PGLS: variants seen among roughly 807,000 people sequenced by gnomAD.
PGLS encodes epididymis secretory protein Li 304.
PGLS carries 21 observed loss-of-function variants against 23.2 expected under a neutral mutation model. The ratio of observed to expected loss-of-function variants is 0.91; its 90% CI spans 0.64 to 1.31. The LOEUF (loss-of-function observed/expected upper bound fraction) is 1.31. PGLS is among the 50% of genes most tolerant of loss of function. The pLI, the probability that PGLS is intolerant of heterozygous loss-of-function variation, is 0.00. For synonymous variants in PGLS, 179 were observed against 165.4 expected (o/e 1.08, Z -0.63); for missense variants, 410 against 354.0 (o/e 1.16, Z -1.27).
intron 1 of PGLS, chr19:17,513,071 C>A (rs542557610): frequency 6.6e-6 from 1 of 152,160 alleles, no homozygotes; most frequent in Non-Finnish European, 1.5e-5. Flanking sequence ...CTTCCGCCTT[C>A]CTGTGTGTGT....
chr19:17,518,819 C>A (rs2075544979), intron 4 of PGLS, among the ~76,000 whole-genome samples: 1 of 152,056 alleles, frequency 6.6e-6, no homozygotes, highest in South Asian at 2.1e-4. Flanking sequence ...ATATGAGTCA[C>A]CGTGCCTAGC....
chr19:17,512,971 G>A (rs1484504440), intron 1 of PGLS: 1 of 152,316 alleles, frequency 6.6e-6, no homozygotes, highest in Non-Finnish European at 1.5e-5. Flanking sequence ...CAGAAGAGGT[G>A]AGCTTACCTG....
At chr19:17,519,051 T>C (rs1030130663) in intron 4 of PGLS, among the ~76,000 whole-genome samples, 1 of 151,946 alleles carries the variant, frequency 6.6e-6, no homozygotes, top group Admixed American at 6.6e-5. Flanking sequence ...CGGTGGCTTA[T>C]GCCTGTAATC....
At chr19:17,518,591 T>C (rs1255978855) in intron 4 of PGLS, 1 of 152,158 alleles carries the variant, frequency 6.6e-6, no homozygotes, top group Non-Finnish European at 1.5e-5. Flanking sequence ...AGTGCACTGA[T>C]GTGACCTCAG....
chr19:17,512,189 C>G (rs2075511674), intron 1 of PGLS: 2 of 521,084 alleles, frequency 3.8e-6, no homozygotes, highest in Non-Finnish European at 6.7e-6. Flanking sequence ...CACCGGTTGC[C>G]CTCGGCTACG....
intron 1 of PGLS, 63 bp downstream of exon 1, chr19:17,512,023 G>C (rs2075510253): frequency 2.5e-5 from 36 of 1,453,918 alleles, no homozygotes; most frequent in Non-Finnish European, 3.1e-5. Context: ...CCTACACCCC[G>C]GCTACGGAGG....
In PGLS at chr19:17,517,863, GGTTCTAGTCCTGGGAA is replaced by G. The variant is rs2075540795; in HGVS notation, c.639+18_639+33del. The G allele has an allele frequency of 1.2e-6, 2 of 1,613,812 alleles. No homozygotes were observed. Among genetic ancestry groups the G allele is most frequent in the Non-Finnish European group, 1.7e-6 (2 of 1,179,964 alleles). ...AGCTGTTCTGAAGGTAACAGCTGAG[GGTTCTAGTCCTGGGAA>G]GTTCATGGGCATGTGGGCCCCAGGG... On this transcript the variant is annotated intron_variant, in intron 4 of 4. Coordinates refer to ENST00000252603, the MANE Select transcript of PGLS (RefSeq NM_012088.3).
chr19:17,513,240 C>T (rs1326877471), intron 1 of PGLS: 1 of 149,458 alleles, frequency 6.7e-6, no homozygotes, highest in Non-Finnish European at 1.5e-5. Context: ...AAAAAAAATA[C>T]AAAAATTGGC....
At chr19:17,514,195 T>C (rs1330234636) in intron 1 of PGLS, among the ~76,000 whole-genome samples, 1 of 152,196 alleles carries the variant, frequency 6.6e-6, no homozygotes, top group African/African-American at 2.4e-5. Flanking sequence ...TGAAAGCTCT[T>C]TGGGAGGATC....
intron 4 of PGLS, 110 bp downstream of exon 4, chr19:17,517,960 A>C: frequency 9.5e-7 from 1 of 1,049,858 alleles, no homozygotes; most frequent in Non-Finnish European, 1.3e-6. Flanking sequence ...AAGAAAACTC[A>C]GTCATTCTTG....
chr19:17,517,693 TG>T lies in PGLS; in HGVS notation c.499-14del. The T allele has an allele frequency of 6.2e-7, 1 of 1,613,810 alleles. No individual in the cohort carries two copies. Reference sequence around the variant, plus strand: ...GACATTGTCCTTCTGCCTCCATCCCTGGGCTTCCTCCCCAAGGAGCGGGAGA... The same window carrying T: ...GACATTGTCCTTCTGCCTCCATCCCTGGCTTCCTCCCCAAGGAGCGGGAGA... On this transcript the variant is annotated splice_polypyrimidine_tract_variant and intron_variant, in intron 3 of 4. Coordinates refer to ENST00000252603, the MANE Select transcript of PGLS (RefSeq NM_012088.3).
intron 4 of PGLS, among the ~76,000 whole-genome samples, chr19:17,519,500 AGT>A (rs1321018913): frequency 2.0e-5 from 3 of 151,548 alleles, no homozygotes; most frequent in Non-Finnish European, 4.4e-5. Flanking sequence ...CCCGGGTTCA[AGT>A]GCTTCTCCTG....
intron 2 of PGLS, among the ~76,000 whole-genome samples, chr19:17,516,852 C>T (rs569541757): frequency 5.3e-4 from 79 of 149,704 alleles, no homozygotes; most frequent in Non-Finnish European, 9.9e-4. Context: ...CTCCAAAGTG[C>T]TGGGATTATA....
At chr19:17,518,271 G>A (rs2075542626) in intron 4 of PGLS, 1 of 154,272 alleles carries the variant, frequency 6.5e-6, no homozygotes, top group Admixed American at 6.5e-5. Flanking sequence ...AAATTAATGA[G>A]TTGGTTAATA....
At position 17,521,081 on chromosome 19, in the gene PGLS, G is replaced by A. The variant is rs1290899744; in HGVS notation, c.777G>A (p.Ter259=). 6.3e-7 allele frequency: 1 copy of A among 1,596,324 alleles called. No individual in the cohort carries two copies. The part of the protein sequence containing the change: ...TVPFEKHSTL[*] ...CCTTCGAGAAGCATTCCACTTTGTA[G>A]CTGGCCAGAGGGACGCCGCAGCTGG... Residue 259 remains the stop codon, a stop_retained_variant, in exon 5 of 5, where the codon TAG becomes TAA. Transcript: ENST00000252603.
intron 1 of PGLS, chr19:17,512,422 C>T: frequency 5.9e-6 from 1 of 170,708 alleles, no homozygotes; most frequent in Non-Finnish European, 1.3e-5. Flanking sequence ...GCAGAGGGAA[C>T]GGCACGGGCA....
intron 4 of PGLS, among the ~76,000 whole-genome samples, 159 bp downstream of exon 4, chr19:17,518,009 GA>G (rs67260410): frequency 0.011 from 1,543 of 136,010 alleles, 11 homozygotes; most frequent in African/African-American, 0.033. Context: ...AGAAAAAAAG[GA>G]AAAAAAAAAA....
chr19:17,516,193 G>A lies in PGLS; in HGVS notation c.309G>A (p.Leu103=), dbSNP rs2075531334. 6.2e-7 allele frequency: 1 copy of A among 1,613,852 alleles called. No individual in the cohort carries two copies. The highest frequency in any genetic ancestry group is 8.5e-7 in the Non-Finnish European group (1 of 1,179,884). The change falls in exon 2 of 5, where the codon CTG becomes CTA. Residue 103 remains leucine (L), a synonymous_variant. Transcript: ENST00000252603. ...GLYRTHLLSR[L]PIPESQVITI... ...TGCAGACGCATCTTCTCTCCAGACTGCCGATCCCAGAAAGCCAGGTGATCA... is the reference window on the plus strand; with the variant it reads ...TGCAGACGCATCTTCTCTCCAGACTACCGATCCCAGAAAGCCAGGTGATCA...
At chr19:17,520,415 AGGC>A (rs1234819872) in intron 4 of PGLS, 1 of 151,824 alleles carries the variant, frequency 6.6e-6, no homozygotes. Flanking sequence ...GTGTGGTGGG[AGGC>A]GCCTGTAATC....
Sources: gnomAD v4.1 joint callset for allele counts (sites outside exome capture counted in the v4.1 genomes callset) on GRCh38, gnomAD v4.1.1 for gene constraint, MANE v1.5 for transcripts, NCBI Gene and HGNC (gene_info 2026-07-23, HGNC 2026-07-21) for gene names.